ANK2: variants seen among roughly 807,000 people sequenced by gnomAD.
The protein encoded by ANK2 is ankyrin 2.
Under a neutral mutation model 360.5 loss-of-function variants are expected in ANK2, and 83 were observed. The observed-to-expected ratio is 0.23, with a 90% CI of 0.19 to 0.28. ANK2 has a LOEUF of 0.28. Among genes scored for constraint, ANK2 ranks in the 10% least tolerant of loss-of-function variants. ANK2 has a pLI of 1.00. For synonymous variants in ANK2, 1,740 were observed against 1,759.5 expected (o/e 0.99, Z 0.28); for missense variants, 4,201 against 4,795.7 (o/e 0.88, Z 3.66).
chr4:112,749,344 G>T, the ANK2 span, among the ~76,000 whole-genome samples: 1 of 152,308 alleles, frequency 6.6e-6, no homozygotes, highest in East Asian at 1.9e-4. Flanking sequence ...AGAGTAACGT[G>T]CATGTAGGGG....
chr4:112,866,145 T>C (rs1048758618), intron 1 of ANK2, among the ~76,000 whole-genome samples: 3 of 152,238 alleles, frequency 2.0e-5, no homozygotes, highest in African/African-American at 7.2e-5. Flanking sequence ...AAAATATCTT[T>C]TGGAGTACAG....
intron 2 of ANK2, among the ~76,000 whole-genome samples, chr4:113,176,325 GAT>G (rs1215976408): frequency 6.6e-6 from 1 of 152,198 alleles, no homozygotes; most frequent in East Asian, 1.9e-4. Context: ...TCTTTGGTAA[GAT>G]AAAATCTCAA....
intron 2 of ANK2, among the ~76,000 whole-genome samples, chr4:113,030,245 G>A (rs2060116553): frequency 6.6e-6 from 1 of 152,052 alleles, no homozygotes; most frequent in Non-Finnish European, 1.5e-5. Context: ...ACCATTTAGA[G>A]AATGGAATGT....
chr4:113,186,606 T>C (rs375100312), intron 2 of ANK2, among the ~76,000 whole-genome samples: 5,212 of 129,438 alleles, frequency 0.04, 155 homozygotes, highest in East Asian at 0.062. Flanking sequence ...TCTCTCTCTC[T>C]CCCTCACTCA....
intron 1 of ANK2, among the ~76,000 whole-genome samples, chr4:113,062,059 G>T (rs1483590606): frequency 6.6e-6 from 1 of 152,008 alleles, no homozygotes; most frequent in African/African-American, 2.4e-5. Context: ...GCCATAGAAA[G>T]TTTTTTATTA....
chr4:112,738,305 A>G, the ANK2 span, among the ~76,000 whole-genome samples: 1 of 151,652 alleles, frequency 6.6e-6, no homozygotes, highest in African/African-American at 2.4e-5. Context: ...CAAGCTACTC[A>G]GGAGACTGAG....
intron 45 of ANK2, 197 bp downstream of exon 45, chr4:113,373,646 C>T (rs1315112528): frequency 1.3e-6 from 1 of 762,488 alleles, no homozygotes; most frequent in Non-Finnish European, 2.4e-6. Context: ...GACTTGTAGG[C>T]ATTATACTCA....
intron 2 of ANK2, among the ~76,000 whole-genome samples, chr4:112,907,418 T>C (rs1337798806): frequency 2.0e-5 from 3 of 152,196 alleles, no homozygotes. Context: ...AAATAAAATC[T>C]GGCATTAGCA....
chr4:113,023,726 C>T (rs1048901755), intron 2 of ANK2, among the ~76,000 whole-genome samples: 3 of 152,164 alleles, frequency 2.0e-5, no homozygotes, highest in African/African-American at 7.2e-5. Context: ...TGTATGACAG[C>T]GGGGTCTTTG....
intron 4 of ANK2, chr4:113,217,187 A>G (rs1029911975): frequency 6.6e-6 from 1 of 152,334 alleles, no homozygotes; most frequent in African/African-American, 2.4e-5. Flanking sequence ...GGCCAAAAAC[A>G]AAAAGCAAGT....
chr4:113,075,331 T>C (rs2079463114), intron 1 of ANK2, among the ~76,000 whole-genome samples: 1 of 152,250 alleles, frequency 6.6e-6, no homozygotes, highest in African/African-American at 2.4e-5. Context: ...CATATAGTAA[T>C]GTACTTATGT....
chr4:113,318,381 A>C (rs1445169902), intron 25 of ANK2, 136 bp from the exon 26 acceptor site: 5 of 691,928 alleles, frequency 7.2e-6, no homozygotes, highest in Non-Finnish European at 1.0e-5. Context: ...CATTGTAAAT[A>C]CATTGGTTTT....
At chr4:112,765,343 G>C in the ANK2 span, among the ~76,000 whole-genome samples, 2 of 152,124 alleles carry the variant, frequency 1.3e-5, no homozygotes, top group African/African-American at 4.8e-5. Flanking sequence ...TCTTTAATCT[G>C]AACAGTTCTC....
intron 19 of ANK2, among the ~76,000 whole-genome samples, 166 bp downstream of exon 19, chr4:113,287,869 A>G (rs2065494865): frequency 6.6e-6 from 1 of 152,158 alleles, no homozygotes. Context: ...GTGGCTCCCC[A>G]TTTTTTGCTA....
rs548804746 is a variant in ANK2, at chr4:112,910,692, T to C, written c.21+6178T>C. Among the ~76,000 whole-genome samples, 5 of 152,296 alleles carry C rather than the reference T, an allele frequency of 3.3e-5. No homozygotes were observed. In the East Asian group the frequency reaches 9.7e-4, roughly 29 times the overall value. ...GATCTGCAAATATGCATATTTCTGC[T>C]CAGTACCATCAGGCAAACATAGAGA... On this transcript the variant is annotated intron_variant, in intron 2 of 30. Coordinates refer to the ANK2 transcript ENST00000503271.
rs115311217 is a variant in ANK2, at chr4:113,052,832, T to C, written c.84+3020T>C. ...AGAATGCACAGGATACGGGCTTCAG[T>C]TGAGTAATTTGAAAGAGGGTTCAAG... On this transcript the variant is annotated intron_variant, in intron 1 of 45. Transcript: ENST00000357077. Among the ~76,000 whole-genome samples, 1,158 of 152,148 alleles carry C rather than the reference T, an allele frequency of 7.6e-3. 12 individuals carry two copies. Among genetic ancestry groups the C allele is most frequent in the African/African-American group, 0.026 (1,091 of 41,518 alleles).
chr4:112,839,674 C>T (rs2061691545), intron 1 of ANK2, among the ~76,000 whole-genome samples: 1 of 152,146 alleles, frequency 6.6e-6, no homozygotes, highest in Admixed American at 6.5e-5. Context: ...AAAGGGAAAA[C>T]ATCAAAGAAC....
chr4:112,887,556 T>A (rs989965449), intron 1 of ANK2, among the ~76,000 whole-genome samples: 4 of 152,358 alleles, frequency 2.6e-5, no homozygotes, highest in Middle Eastern at 3.4e-3. Context: ...ATAAAAGATA[T>A]GTGTTTCATA....
intron 2 of ANK2, among the ~76,000 whole-genome samples, chr4:112,908,854 C>G (rs748323944): frequency 6.6e-6 from 1 of 152,212 alleles, no homozygotes; most frequent in Non-Finnish European, 1.5e-5. Context: ...ATCTTCTATT[C>G]TGCTGTAGAG....
Sources: gnomAD v4.1 joint callset for allele counts (sites outside exome capture counted in the v4.1 genomes callset) on GRCh38, gnomAD v4.1.1 for gene constraint, MANE v1.5 for transcripts, NCBI Gene and HGNC (gene_info 2026-07-23, HGNC 2026-07-21) for gene names.